Variants in PCNX2 observed in about 807,000 individuals in gnomAD.
PCNX2 encodes the protein pecanex 2.
In PCNX2, 168 loss-of-function variants were observed where a neutral mutation model predicts 223.8. That is an observed-to-expected ratio of 0.75 (90% CI 0.66 to 0.85). PCNX2 has a LOEUF of 0.85. Among genes scored for constraint, PCNX2 ranks in the 40% least tolerant of loss-of-function variants. The pLI is 0.00. For synonymous variants in PCNX2, 1,006 were observed against 1,052.6 expected (o/e 0.96, Z 0.86); for missense variants, 2,507 against 2,675.5 (o/e 0.94, Z 1.39).
At chr1:233,003,796 T>C (rs922142523) in intron 28 of PCNX2, among the ~76,000 whole-genome samples, 2 of 152,188 alleles carry the variant, frequency 1.3e-5, no homozygotes, top group Non-Finnish European at 2.9e-5. Flanking sequence ...ATGTGGCATA[T>C]ATACACCATG....
intron 19 of PCNX2, among the ~76,000 whole-genome samples, chr1:233,141,535 A>C (rs922728431): frequency 1.6e-4 from 24 of 152,058 alleles, no homozygotes; most frequent in Non-Finnish European, 1.5e-5. Context: ...GCATGGTGGC[A>C]TGTGCCTGTA....
intron 22 of PCNX2, among the ~76,000 whole-genome samples, chr1:233,094,312 T>C (rs1450735479): frequency 6.6e-6 from 1 of 152,188 alleles, no homozygotes; most frequent in Non-Finnish European, 1.5e-5. Context: ...AGATTAAAAA[T>C]CAACTCAATA....
rs778068937 is a variant in PCNX2, at chr1:233,262,175, C to T, written c.360-10G>A. 6.2e-6 allele frequency: 10 copies of T among 1,613,280 alleles called. No homozygotes were observed. In the African/African-American group the frequency reaches 1.3e-4, roughly 22 times the overall value. On this transcript the variant is annotated splice_polypyrimidine_tract_variant and intron_variant, in intron 2 of 33. Transcript: ENST00000258229. ...AATCTGCCTATTATTGCTAACCCAA[C>T]ATGAGAAACACAAGAGCAGTGAGCG...
chr1:233,178,953 G>T, intron 16 of PCNX2, 113 bp downstream of exon 16: 2 of 869,348 alleles, frequency 2.3e-6, no homozygotes, highest in Non-Finnish European at 3.5e-6. Flanking sequence ...AATAATGAGA[G>T]TCAAATCACA....
intron 9 of PCNX2, among the ~76,000 whole-genome samples, chr1:233,233,253 T>G (rs146315208): frequency 1.3e-5 from 2 of 152,334 alleles, no homozygotes; most frequent in East Asian, 3.9e-4. Flanking sequence ...GTTTATAACA[T>G]GGATTCATGC....
intron 15 of PCNX2, among the ~76,000 whole-genome samples, chr1:233,192,001 T>C (rs1359202878): frequency 1.3e-5 from 2 of 152,170 alleles, no homozygotes; most frequent in Non-Finnish European, 2.9e-5. Context: ...AATAAGACAT[T>C]TTCCCTGGGA....
intron 19 of PCNX2, among the ~76,000 whole-genome samples, chr1:233,159,314 T>C (rs1382874959): frequency 6.6e-6 from 1 of 152,192 alleles, no homozygotes; most frequent in Non-Finnish European, 1.5e-5. Context: ...CAGTGACTCT[T>C]GCATATTTAT....
chr1:233,014,294 C>G (rs1670573531), intron 28 of PCNX2, among the ~76,000 whole-genome samples: 1 of 152,048 alleles, frequency 6.6e-6, no homozygotes, highest in Non-Finnish European at 1.5e-5. Flanking sequence ...TTTATGAAGA[C>G]AATTAGGGGA....
chr1:233,312,466 A>G, the PCNX2 span, among the ~76,000 whole-genome samples: 1 of 152,210 alleles, frequency 6.6e-6, no homozygotes, highest in Admixed American at 6.5e-5. Context: ...GAATATTATT[A>G]CAAAACTATA....
At chr1:233,100,436 A>G (rs1019560493) in intron 21 of PCNX2, among the ~76,000 whole-genome samples, 5 of 151,812 alleles carry the variant, frequency 3.3e-5, no homozygotes, top group Admixed American at 2.0e-4. Context: ...AAAAAAAAAA[A>G]AAAGAAAATC....
At chr1:233,218,862 G>T (rs1163259903) in intron 10 of PCNX2, among the ~76,000 whole-genome samples, 1 of 152,110 alleles carries the variant, frequency 6.6e-6, no homozygotes, top group Non-Finnish European at 1.5e-5. Context: ...TCAATGGAAG[G>T]GGGTGGTAAG....
chr1:233,279,709 C>T (rs895827590), intron 1 of PCNX2, among the ~76,000 whole-genome samples: 31 of 152,082 alleles, frequency 2.0e-4, no homozygotes, highest in Non-Finnish European at 3.8e-4. Context: ...ATTTTCTTTA[C>T]CCTGTACTAC....
At chr1:233,183,278 A>G (rs7552513) in intron 15 of PCNX2, among the ~76,000 whole-genome samples, 5,960 of 152,112 alleles carry the variant, frequency 0.039, 198 homozygotes, top group African/African-American at 0.089. Context: ...GAGTCCCACC[A>G]TTTACTTGTC....
chr1:233,208,826 C>CAAAAAAAAAAAAAAAAAAAAAACAAAAA (rs1681645511), intron 12 of PCNX2, 137 bp from the exon 13 acceptor site: 1 of 59,536 alleles, frequency 1.7e-5, no homozygotes, highest in African/African-American at 5.7e-5. Flanking sequence ...AATTCATATA[C>CAAAAAAAAAAAAAAAAAAAAAACAAAAA]AAAAAAAAAA....
intron 1 of PCNX2, chr1:233,290,865 G>A: frequency 1.0e-6 from 1 of 985,430 alleles, no homozygotes; most frequent in Non-Finnish European, 1.2e-6. Flanking sequence ...CTGTCCACAA[G>A]CGGGGAAAGG....
Position 233,000,227 on chromosome 1 carries a change from C to G in PCNX2, c.5328+78G>C. The G allele has an allele frequency of 7.2e-7, 1 of 1,381,960 alleles. No individual in the cohort carries two copies. 85.6% of individuals were successfully genotyped at this position (1,381,960 alleles called of 1,614,324 possible). Reference sequence around the variant, plus strand: ...CAGAGACTCCTGTGTCAGTGCCCCCCTGCCCACCACCATTCTATTTCTTCT... The same window carrying G: ...CAGAGACTCCTGTGTCAGTGCCCCCGTGCCCACCACCATTCTATTTCTTCT... On this transcript the variant is annotated intron_variant, in intron 30 of 33. Transcript: ENST00000258229. This position sits in a 1 kb window ranked among gnomAD's most constrained non-coding sequence, Gnocchi z 4.6.
At position 233,236,939 on chromosome 1, in the gene PCNX2, C is replaced by A. The variant is rs761972458; in HGVS notation, c.2264G>T (p.Ser755Ile). 1 of 1,613,998 alleles carries A rather than the reference C, an allele frequency of 6.2e-7. No individual in the cohort carries two copies. The highest frequency in any genetic ancestry group is 1.7e-5 in the Admixed American group (1 of 60,028). ...AGGGTCCCCAGAAGACGGATCTTGACTCTCAGAAGTTGTGGTACTGGAGGA... is the reference window on the plus strand; with the variant it reads ...AGGGTCCCCAGAAGACGGATCTTGAATCTCAGAAGTTGTGGTACTGGAGGA... ...VSSSSTTTSE[S>I]QDPSSGDPAV... Residue 755 changes from serine (S) to isoleucine (I), a missense_variant, in exon 9 of 34, where the codon AGT (serine) becomes ATT (isoleucine). Physicochemically the swap from Ser to Ile is moderately radical, Grantham distance 142. Around this residue, in one of 3 missense-constraint regions of PCNX2, gnomAD observed 1,031 missense variants for 1,021.7 expected, o/e 1.01. Transcript: ENST00000258229.
At chr1:233,290,366 A>T (rs1008429049) in intron 1 of PCNX2, among the ~76,000 whole-genome samples, 2 of 152,238 alleles carry the variant, frequency 1.3e-5, no homozygotes, top group Non-Finnish European at 1.5e-5. Context: ...AGAATAAGGG[A>T]TCGCTAGAAG....
chr1:233,314,587 T>C, the PCNX2 span, among the ~76,000 whole-genome samples: 13 of 152,212 alleles, frequency 8.5e-5, no homozygotes, highest in South Asian at 2.7e-3. Context: ...TTAGAATCCA[T>C]CTAAGTAGGA....
Sources: allele counts gnomAD v4.1 joint callset (sites outside exome capture counted in the v4.1 genomes callset), GRCh38; gene constraint gnomAD v4.1.1; regional missense constraint gnomAD v4.1.1; non-coding constraint Gnocchi (gnomAD v3.1); transcripts MANE v1.5; gene names NCBI Gene and HGNC (gene_info 2026-07-23, HGNC 2026-07-21).